Variants in GATD1 observed in about 807,000 individuals in gnomAD.
The protein encoded by GATD1 is glutamine amidotransferase class 1 domain containing 1, also known as glutamine amidotransferase-like class 1 domain-containing protein 1.
Under a neutral mutation model 25.9 loss-of-function variants are expected in GATD1, and 23 were observed. That is an observed-to-expected ratio of 0.89 (90% CI 0.64 to 1.26). The LOEUF is 1.26. GATD1 is among the 50% of genes most tolerant of loss of function. GATD1 has a pLI of 0.00. For synonymous variants in GATD1, 177 were observed against 134.6 expected (o/e 1.31, Z -2.18); for missense variants, 347 against 312.5 (o/e 1.11, Z -0.83).
intron 1 of GATD1, among the ~76,000 whole-genome samples, chr11:776,145 G>C (rs956518989): frequency 3.3e-5 from 5 of 151,762 alleles, no homozygotes; most frequent in South Asian, 4.2e-4. Flanking sequence ...ACCACGCCCA[G>C]CTAATTTTTG....
intron 3 of GATD1, 65 bp downstream of exon 3, chr11:773,943 T>A (rs1223778403): frequency 1.4e-6 from 2 of 1,464,820 alleles, no homozygotes; most frequent in Non-Finnish European, 1.9e-6. Context: ...CCCAAACCTA[T>A]CTGGAACCCT....
At chr11:777,377 G>A in intron 1 of GATD1, 22 bp downstream of exon 1, 3 of 1,292,652 alleles carry the variant, frequency 2.3e-6, no homozygotes, top group South Asian at 2.1e-5. Flanking sequence ...TTCGGACACT[G>A]GCCCCGGCCG....
intron 1 of GATD1, among the ~76,000 whole-genome samples, chr11:776,198 G>A (rs1486008987): frequency 6.6e-6 from 1 of 151,626 alleles, no homozygotes; most frequent in Admixed American, 6.6e-5. Context: ...AGCCAGAATG[G>A]TCTCGATCTC....
intron 1 of GATD1, 43 bp downstream of exon 1, chr11:777,356 C>G (rs1187335339): frequency 1.6e-6 from 2 of 1,264,422 alleles, no homozygotes; most frequent in East Asian, 3.4e-5. Flanking sequence ...GCAGCCCCCT[C>G]GCGGACGCTC....
chr11:775,841 G>C (rs1396014354), intron 1 of GATD1, among the ~76,000 whole-genome samples: 1 of 152,142 alleles, frequency 6.6e-6, no homozygotes, highest in Admixed American at 6.5e-5. Context: ...GTCCTACCAG[G>C]GGAAGGACAC....
rs1329355139 is a variant in GATD1, at chr11:770,356, T to G, written c.*541A>C. ...CAGGAAGATTTCTTCAACAGGAAAG[T>G]GCTGCCAGTGCCGGTCGGCCTTGGG... is the stretch of plus-strand genomic sequence containing the variant. On this transcript the variant is annotated 3_prime_UTR_variant, in exon 8 of 8. Transcript: ENST00000319863. 4 of 1,534,276 alleles carry G rather than the reference T, an allele frequency of 2.6e-6. No homozygotes were observed. Among genetic ancestry groups the G allele is most frequent in the Middle Eastern group, 3.3e-4 (2 of 5,978 alleles).
chr11:772,629 GC>G, intron 4 of GATD1, 108 bp from the exon 5 acceptor site: 2 of 1,006,378 alleles, frequency 2.0e-6, no homozygotes, highest in Non-Finnish European at 1.5e-6. Context: ...CGCCTGCCTG[GC>G]CCCTCCTCCC....
intron 1 of GATD1, 128 bp downstream of exon 1, chr11:777,270 GC>G (rs905668222): frequency 7.1e-6 from 4 of 559,790 alleles, no homozygotes; most frequent in Non-Finnish European, 7.1e-6. Context: ...CCCGGCCCCT[GC>G]CCGGCGCCCC....
Position 767,706 on chromosome 11 carries a change from G to A in GATD1, c.*3191C>T, listed in dbSNP as rs972120389. On this transcript the variant is annotated 3_prime_UTR_variant, in exon 8 of 8. Coordinates refer to ENST00000319863, the MANE Select transcript of GATD1 (RefSeq NM_182612.4). ...AGGTGGGGCATTTGGGAGGTCATCC[G>A]GTCACAGGGCAGGGGCACAGCCTCA... The A allele has an allele frequency of 5.3e-6, 5 of 944,258 alleles. No individual in the cohort carries two copies. Among genetic ancestry groups the A allele is most frequent in the Admixed American group, 4.6e-5 (1 of 21,890 alleles). 58.5% of individuals were successfully genotyped at this position (944,258 alleles called of 1,614,324 possible).
chr11:767,671 G>C lies in GATD1; in HGVS notation c.*3226C>G. ...CCTGCTTAAGTCCTCACCTGCAAGGGGATGGTATTAGGTGGGGCATTTGGG... is the reference window on the plus strand; with the variant it reads ...CCTGCTTAAGTCCTCACCTGCAAGGCGATGGTATTAGGTGGGGCATTTGGG... On this transcript the variant is annotated 3_prime_UTR_variant, in exon 8 of 8. Coordinates refer to ENST00000319863, the MANE Select transcript of GATD1 (RefSeq NM_182612.4). 8.2e-7 allele frequency: 1 copy of C among 1,224,818 alleles called. No individual in the cohort carries two copies. Among genetic ancestry groups the C allele is most frequent in the Admixed American group, 4.1e-5 (1 of 24,392 alleles). 75.9% of individuals were successfully genotyped at this position (1,224,818 alleles called of 1,614,324 possible).
Position 769,038 on chromosome 11 carries a change from T to TCAC in GATD1, c.*1858_*1859insGTG. The TCAC allele has an allele frequency of 1.5e-6, 1 of 652,040 alleles. No individual in the cohort carries two copies. The highest frequency in any genetic ancestry group is 1.4e-4 in the East Asian group (1 of 7,218). 40.4% of individuals were successfully genotyped at this position (652,040 alleles called of 1,614,324 possible). On this transcript the variant is annotated 3_prime_UTR_variant, in exon 8 of 8. Coordinates refer to ENST00000319863, the MANE Select transcript of GATD1 (RefSeq NM_182612.4). The stretch of plus-strand genomic sequence containing the variant: ...ATCGCTTGAACCCGGGAGACAGAGG[T>TCAC]TGCAGTGAGCCAAGATTGTGCCACT...
In GATD1 at chr11:769,742, T is replaced by C; in HGVS notation, c.*1155A>G. 1 of 199,200 alleles carries C rather than the reference T, an allele frequency of 5.0e-6. No individual in the cohort carries two copies. Among genetic ancestry groups the C allele is most frequent in the Non-Finnish European group, 9.0e-6 (1 of 110,962 alleles). 12.3% of individuals were successfully genotyped at this position (199,200 alleles called of 1,614,324 possible). On this transcript the variant is annotated 3_prime_UTR_variant, in exon 8 of 8. Transcript: ENST00000319863. ...CTCCTGCCTCAGCCTCCCAAGTAGCTGGGACTACACACACCCACCACCATG... is the reference window on the plus strand; with the variant it reads ...CTCCTGCCTCAGCCTCCCAAGTAGCCGGGACTACACACACCCACCACCATG...
Position 769,154 on chromosome 11 carries a change from GGGATGAGAGT to G in GATD1, c.*1733_*1742del, listed in dbSNP as rs1236894378. On this transcript the variant is annotated 3_prime_UTR_variant, in exon 8 of 8. Coordinates refer to ENST00000319863, the MANE Select transcript of GATD1 (RefSeq NM_182612.4). The stretch of plus-strand genomic sequence containing the variant: ...GTCCACAGAGGTCCATCACCACACG[GGGATGAGAGT>G]GGACCCGGGACAGAGCAAGGCCCCG... 5 of 985,156 alleles carry G rather than the reference GGGATGAGAGT, an allele frequency of 5.1e-6. No individual in the cohort carries two copies. The East Asian group carries it at 4.5e-4, about 89-fold the overall frequency. The allele number at this position is 985,156 out of a possible 1,614,324, so 61.0% of individuals were successfully genotyped here.
rs1054193067 is a variant in GATD1 at position 770,121 on chromosome 11, G to A, written c.*776C>T. 2 of 1,229,194 alleles carry A rather than the reference G, an allele frequency of 1.6e-6. No individual in the cohort carries two copies. The highest frequency in any genetic ancestry group is 3.9e-5 in the South Asian group (1 of 25,392). The allele number at this position is 1,229,194 out of a possible 1,614,324, so 76.1% of individuals were successfully genotyped here. A position where few individuals can be genotyped will look rare whatever the true frequency, so the allele number is the denominator to read the frequency against. On this transcript the variant is annotated 3_prime_UTR_variant, in exon 8 of 8. Coordinates refer to ENST00000319863, the MANE Select transcript of GATD1 (RefSeq NM_182612.4). ...ACCTGGGGCCAGGGGGCAGCCCGCTGGAGGGCCACAGCCCAGGCCAGGTGC... is the reference window on the plus strand; with the variant it reads ...ACCTGGGGCCAGGGGGCAGCCCGCTAGAGGGCCACAGCCCAGGCCAGGTGC...
At chr11:772,727 T>C in intron 4 of GATD1, 1 of 595,534 alleles carries the variant, frequency 1.7e-6, no homozygotes, top group Non-Finnish European at 3.0e-6. Flanking sequence ...GGGGAGCTGG[T>C]GCTTCAGGAC....
chr11:772,670 C>T (rs1287044233), intron 4 of GATD1, 149 bp from the exon 5 acceptor site: 6 of 691,148 alleles, frequency 8.7e-6, no homozygotes, highest in African/African-American at 3.5e-5. Flanking sequence ...ACTCAGCACC[C>T]GGGTGTCCTG....
chr11:771,213 C>G (rs916417967), intron 6 of GATD1, 109 bp from the exon 7 acceptor site: 2 of 1,545,522 alleles, frequency 1.3e-6, no homozygotes, highest in African/African-American at 2.7e-5. Flanking sequence ...CTGTCTGGGT[C>G]TGAGTCAGTG....
chr11:771,193 G>A, intron 6 of GATD1, 89 bp from the exon 7 acceptor site: 1 of 1,544,662 alleles, frequency 6.5e-7, no homozygotes, highest in Non-Finnish European at 8.7e-7. Context: ...AGGGTCAGCA[G>A]TAGGTCAGCC....
intron 4 of GATD1, 21 bp downstream of exon 4, chr11:773,501 T>G: frequency 1.9e-6 from 3 of 1,595,048 alleles, no homozygotes; most frequent in Non-Finnish European, 2.6e-6. Context: ...ACCCCTCCCC[T>G]GGGTCCCAGG....
Sources: allele counts gnomAD v4.1 joint callset (sites outside exome capture counted in the v4.1 genomes callset), GRCh38; gene constraint gnomAD v4.1.1; transcripts MANE v1.5; gene names NCBI Gene and HGNC (gene_info 2026-07-23, HGNC 2026-07-21).